Variants in PIEZO2 observed in about 807,000 individuals in gnomAD.
The protein encoded by PIEZO2 is piezo type mechanosensitive ion channel component 2.
A neutral mutation model predicts 337.3 loss-of-function variants in PIEZO2; 172 were observed. That is an observed-to-expected ratio of 0.51 (90% CI 0.45 to 0.58). The LOEUF (loss-of-function observed/expected upper bound fraction) is 0.58. PIEZO2 is among the 20% of genes least tolerant of loss of function. The pLI is 0.00. For synonymous variants in PIEZO2, 1,251 were observed against 1,228.5 expected (o/e 1.02, Z -0.38); for missense variants, 3,028 against 3,391.3 (o/e 0.89, Z 2.66).
chr18:10,960,864 T>G (rs942195159), intron 3 of PIEZO2, among the ~76,000 whole-genome samples: 1 of 152,168 alleles, frequency 6.6e-6, no homozygotes, highest in African/African-American at 2.4e-5. Context: ...AATGTTCCAT[T>G]TGGTAGAAGA....
rs2040272691 is a variant in PIEZO2, at chr18:11,129,309, T to C, written c.64+19216A>G. The stretch of plus-strand genomic sequence containing the variant: ...GGATCCCGAGGTGGCAGGGACCAAG[T>C]GGCAGCACTCAACTGTCAAAGGCAA... On this transcript the variant is annotated intron_variant, in intron 1 of 55. Coordinates refer to ENST00000674853, the MANE Select transcript of PIEZO2 (RefSeq NM_001378183.1). This position sits in a 1 kb window ranked among gnomAD's most constrained non-coding sequence, Gnocchi z 4.6. Among the ~76,000 whole-genome samples the C allele has an allele frequency of 6.6e-6, 1 of 152,176 alleles. No individual in the cohort carries two copies. The highest frequency in any genetic ancestry group is 6.5e-5 in the Admixed American group (1 of 15,274).
In PIEZO2 at chr18:10,973,192, AG is replaced by A. The variant is rs2034309411; in HGVS notation, c.286+6342del. On this transcript the variant is annotated intron_variant, in intron 3 of 55. Coordinates refer to ENST00000674853, the MANE Select transcript of PIEZO2 (RefSeq NM_001378183.1). This position sits in a 1 kb window ranked among gnomAD's most constrained non-coding sequence, Gnocchi z 4.9. ...AAAATATCAACACGGCATTGGCCTAAGGGTTGTTCATACGGGTGGGTGTCAT... is the reference window on the plus strand; with the variant it reads ...AAAATATCAACACGGCATTGGCCTAAGGTTGTTCATACGGGTGGGTGTCAT... 6.6e-6 allele frequency among the ~76,000 whole-genome samples: 1 copy of A among 152,248 alleles called. No individual in the cohort carries two copies. The highest frequency in any genetic ancestry group is 2.4e-5 in the African/African-American group (1 of 41,482).
chr18:10,848,137 T>C (rs72973107), intron 7 of PIEZO2, among the ~76,000 whole-genome samples: 32,524 of 152,172 alleles, frequency 0.21, 3,534 homozygotes, highest in African/African-American at 0.23. Flanking sequence ...AACCGGATTA[T>C]GTAGCCGCTT....
intron 3 of PIEZO2, among the ~76,000 whole-genome samples, chr18:10,946,848 A>G (rs1004756840): frequency 4.6e-5 from 7 of 152,252 alleles, no homozygotes; most frequent in Admixed American, 1.3e-4. Context: ...AAGGAAAATT[A>G]TAACTTGAGT....
At chr18:10,687,898 C>T (rs2034621585) in intron 49 of PIEZO2, among the ~76,000 whole-genome samples, 1 of 152,228 alleles carries the variant, frequency 6.6e-6, no homozygotes, top group Non-Finnish European at 1.5e-5. Context: ...GGACTGACTC[C>T]AGGCAAGACT....
In PIEZO2 at chr18:11,096,718, A is replaced by C. The variant is rs1471237743; in HGVS notation, c.65-30496T>G. Among the ~76,000 whole-genome samples the C allele has an allele frequency of 2.0e-5, 3 of 152,172 alleles. No homozygotes were observed. Among genetic ancestry groups the C allele is most frequent in the Admixed American group, 6.5e-5 (1 of 15,272 alleles). On this transcript the variant is annotated intron_variant, in intron 1 of 55. Transcript: ENST00000674853. This position sits in a 1 kb window ranked among gnomAD's most constrained non-coding sequence, Gnocchi z 4.6. Reference sequence around the variant, plus strand: ...TATATCTAAAAACTGTGGAAGTGAAAGACATTAGGAGAGAAGGGACAGTGA... The same window carrying C: ...TATATCTAAAAACTGTGGAAGTGAACGACATTAGGAGAGAAGGGACAGTGA...
chr18:10,981,429 T>G (rs1158525335), intron 2 of PIEZO2, among the ~76,000 whole-genome samples: 1 of 152,200 alleles, frequency 6.6e-6, no homozygotes, highest in East Asian at 1.9e-4. Flanking sequence ...ACTTAAGAAA[T>G]CAATTAATGT....
chr18:10,922,892 C>T lies in PIEZO2; in HGVS notation c.287-11664G>A, dbSNP rs143909444. Among the ~76,000 whole-genome samples the T allele has an allele frequency of 8.8e-3, 1,336 of 152,218 alleles. 25 individuals carry two copies. The highest frequency in any genetic ancestry group is 0.03 in the African/African-American group (1,242 of 41,552). On this transcript the variant is annotated intron_variant, in intron 3 of 55. Transcript: ENST00000674853. Reference sequence around the variant, plus strand: ...TCTGTTTTAGACAATTTAGAAAATACTTAAGCATATGGCCATGTTCTTCAT... The same window carrying T: ...TCTGTTTTAGACAATTTAGAAAATATTTAAGCATATGGCCATGTTCTTCAT...
intron 2 of PIEZO2, among the ~76,000 whole-genome samples, chr18:11,023,992 C>A (rs1568305556): frequency 6.6e-6 from 1 of 152,176 alleles, no homozygotes; most frequent in Non-Finnish European, 1.5e-5. Flanking sequence ...GGCCCGCAAG[C>A]CCCACGCGCA....
rs2036589914 is a variant in PIEZO2 at position 10,727,531 on chromosome 18, TC to T, written c.5029+3875del. 6.6e-6 allele frequency: 1 copy of T among 152,238 alleles called. No homozygotes were observed. The highest frequency in any genetic ancestry group is 1.5e-5 in the Non-Finnish European group (1 of 68,122). 9.4% of individuals were successfully genotyped at this position (152,238 alleles called of 1,614,324 possible). A position where few individuals can be genotyped will look rare whatever the true frequency, so the allele number is the denominator to read the frequency against. ...TTATTCCATATTTATATGATCTACTTCCTGTGGCTGGGAGCAGCAGCTCCTG... is the reference window on the plus strand; with the variant it reads ...TTATTCCATATTTATATGATCTACTTCTGTGGCTGGGAGCAGCAGCTCCTG... On this transcript the variant is annotated intron_variant, in intron 36 of 55. Transcript: ENST00000674853. The surrounding 1 kb of genome is among the most constrained non-coding windows in gnomAD (Gnocchi z 6.3).
chr18:11,101,655 C>T lies in PIEZO2; in HGVS notation c.65-35433G>A, dbSNP rs993210979. Among the ~76,000 whole-genome samples the T allele has an allele frequency of 1.3e-5, 2 of 152,134 alleles. No homozygotes were observed. The highest frequency in any genetic ancestry group is 2.9e-5 in the Non-Finnish European group (2 of 68,020). ...TCTCAAACCTGTCAATTTGAAAAACCGATGACTATGTTCAGTGTTTATATC... is the reference window on the plus strand; with the variant it reads ...TCTCAAACCTGTCAATTTGAAAAACTGATGACTATGTTCAGTGTTTATATC... On this transcript the variant is annotated intron_variant, in intron 1 of 55. Transcript: ENST00000674853. The surrounding 1 kb of genome is among the most constrained non-coding windows in gnomAD (Gnocchi z 4.4).
intron 3 of PIEZO2, among the ~76,000 whole-genome samples, chr18:10,947,264 G>T (rs892398963): frequency 6.6e-6 from 1 of 152,116 alleles, no homozygotes; most frequent in Non-Finnish European, 1.5e-5. Flanking sequence ...CAGCCCGAGA[G>T]AAATGATGCA....
intron 7 of PIEZO2, among the ~76,000 whole-genome samples, chr18:10,827,076 T>C (rs1408582737): frequency 6.6e-6 from 1 of 152,196 alleles, no homozygotes; most frequent in Admixed American, 6.5e-5. Context: ...TAGATATATA[T>C]TTATGCATAA....
At chr18:11,059,610 G>C (rs967422520) in intron 2 of PIEZO2, among the ~76,000 whole-genome samples, 2 of 152,098 alleles carry the variant, frequency 1.3e-5, no homozygotes, top group African/African-American at 4.8e-5. Flanking sequence ...TGCAATCCTA[G>C]TCTCTGATAA....
At chr18:11,072,916 C>T (rs1028687543) in intron 1 of PIEZO2, among the ~76,000 whole-genome samples, 2 of 152,234 alleles carry the variant, frequency 1.3e-5, no homozygotes, top group African/African-American at 4.8e-5. Context: ...TGTGATATTG[C>T]CTCAGACCCC....
Position 10,809,260 on chromosome 18 carries a change from C to CTTTTTTTTTTTTTTTTTTT in PIEZO2, c.918-2005_918-1987dup, listed in dbSNP as rs869210659. On this transcript the variant is annotated intron_variant, in intron 7 of 55. Transcript: ENST00000674853. ...ACCTAAGATTTCTCTCTCTCTCTCT[C>CTTTTTTTTTTTTTTTTTTT]TTTTTTTTTTTTTTTTTTTTTTTTT... is the stretch of plus-strand genomic sequence containing the variant. Among the ~76,000 whole-genome samples the CTTTTTTTTTTTTTTTTTTT allele has an allele frequency of 6.1e-5, 4 of 65,832 alleles. 1 individual carries two copies. Among genetic ancestry groups the CTTTTTTTTTTTTTTTTTTT allele is most frequent in the African/African-American group, 2.4e-4 (4 of 16,998 alleles). The allele number at this position is 65,832 out of a possible 152,430, so 43.2% of individuals were successfully genotyped here.
chr18:10,900,739 G>C (rs947300323), intron 4 of PIEZO2, among the ~76,000 whole-genome samples: 22 of 152,132 alleles, frequency 1.4e-4, no homozygotes, highest in African/African-American at 4.8e-4. Context: ...GCTGGGGATA[G>C]GAAAATCACC....
In PIEZO2 at chr18:10,749,955, T is replaced by C. The variant is rs889348671; in HGVS notation, c.4264+136A>G. The C allele has an allele frequency of 3.9e-5, 25 of 640,430 alleles. No individual in the cohort carries two copies. In the Admixed American group the frequency reaches 6.0e-4, roughly 15 times the overall value. The allele number at this position is 640,430 out of a possible 1,614,324, so 39.7% of individuals were successfully genotyped here. On this transcript the variant is annotated intron_variant, in intron 29 of 55. Transcript: ENST00000674853. ...ACAATAGATTCACAATGTACTACAG[T>C]TCTACAGCCTCCATCTGGAGAAAAC...
chr18:10,784,817 G>T lies in PIEZO2; in HGVS notation c.2459C>A (p.Ser820Tyr). 2 of 1,537,604 alleles carry T rather than the reference G, an allele frequency of 1.3e-6. No homozygotes were observed. Among genetic ancestry groups the T allele is most frequent in the Non-Finnish European group, 1.7e-6 (2 of 1,146,918 alleles). ...DRFLELTDLK[S>Y]IPSKEDNTIY... ...GGTGTTGTCTTCTTTGCTGGGAATG[G>T]ACTTGAGGTCTGTGAGTTCAAGGAA... is the stretch of plus-strand genomic sequence containing the variant. The change falls in exon 17 of 56, where the codon TCC (serine) becomes TAC (tyrosine). Residue 820 changes from serine (S) to tyrosine (Y), a missense_variant. Physicochemically the swap from Ser to Tyr is moderately radical, Grantham distance 144. Transcript: ENST00000674853. This position sits in a 1 kb window ranked among gnomAD's most constrained non-coding sequence, Gnocchi z 4.5.
Sources: gnomAD v4.1 joint callset for allele counts (sites outside exome capture counted in the v4.1 genomes callset) on GRCh38, gnomAD v4.1.1 for gene constraint, Gnocchi (gnomAD v3.1) non-coding constraint, MANE v1.5 for transcripts, NCBI Gene and HGNC (gene_info 2026-07-23, HGNC 2026-07-21) for gene names.